Variants in SLC16A6 observed in about 807,000 individuals in gnomAD.
SLC16A6 encodes the protein monocarboxylate transporter 7.
SLC16A6 carries 15 observed loss-of-function variants against 33.8 expected under a neutral mutation model. That is an observed-to-expected ratio of 0.44 (90% CI 0.30 to 0.68). The LOEUF (loss-of-function observed/expected upper bound fraction) is 0.68, where lower values mean the gene tolerates loss of function less well. SLC16A6 is among the 30% of genes least tolerant of loss of function. The pLI, the probability that SLC16A6 is intolerant of heterozygous loss-of-function variation, is 0.10. For synonymous variants in SLC16A6, 219 were observed against 248.4 expected (o/e 0.88, Z 1.11); for missense variants, 451 against 661.5 (o/e 0.68, Z 3.49).
In SLC16A6 at chr17:68,271,779, C is replaced by G; in HGVS notation, c.506-125G>C. 1 of 706,358 alleles carries G rather than the reference C, an allele frequency of 1.4e-6. No homozygotes were observed. The highest frequency in any genetic ancestry group is 2.4e-6 in the Non-Finnish European group (1 of 422,802). 43.8% of individuals were successfully genotyped at this position (706,358 alleles called of 1,614,324 possible). ...ATAAGTTCTGTGGAAATTTATTATACTCAGCAGTATGAATGTACTCAATCT... is the reference window on the plus strand; with the variant it reads ...ATAAGTTCTGTGGAAATTTATTATAGTCAGCAGTATGAATGTACTCAATCT... On this transcript the variant is annotated intron_variant, in intron 4 of 5. Transcript: ENST00000580666. This position sits in a 1 kb window ranked among gnomAD's most constrained non-coding sequence, Gnocchi z 5.3.
At chr17:68,289,201 G>A (rs1030842462) in intron 1 of SLC16A6, among the ~76,000 whole-genome samples, 15 of 152,104 alleles carry the variant, frequency 9.9e-5, no homozygotes, top group African/African-American at 3.6e-4. Context: ...TAAAAAATGA[G>A]GTGGGAGGAT....
chr17:68,282,264 A>C (rs1555753031), intron 1 of SLC16A6, among the ~76,000 whole-genome samples: 1 of 151,892 alleles, frequency 6.6e-6, no homozygotes. Context: ...AAAAAAACAA[A>C]CACCACACGT....
intron 1 of SLC16A6, among the ~76,000 whole-genome samples, chr17:68,283,687 T>C (rs2075770950): frequency 6.7e-6 from 1 of 149,252 alleles, no homozygotes; most frequent in Admixed American, 6.7e-5. Context: ...TCCCTGAAAG[T>C]ATAGTCTTGA....
chr17:68,270,167 A>G (rs1440787031), intron 5 of SLC16A6, among the ~76,000 whole-genome samples: 2 of 152,190 alleles, frequency 1.3e-5, no homozygotes, highest in African/African-American at 2.4e-5. Context: ...GACTTACAGA[A>G]GTCCATTAGT....
In SLC16A6 at chr17:68,272,619, G is replaced by A. The variant is rs559117735; in HGVS notation, c.505+20C>T. ...CGTCTCTCATCCACATTCATACTTA[G>A]GCTGTTGTAGTCCACCTACCTGGTG... On this transcript the variant is annotated intron_variant, in intron 4 of 5. Coordinates refer to ENST00000580666, the MANE Select transcript of SLC16A6 (RefSeq NM_004694.5). 4 of 1,612,256 alleles carry A rather than the reference G, an allele frequency of 2.5e-6. No individual in the cohort carries two copies. The African/African-American group carries it at 4.0e-5, about 16-fold the overall frequency.
At chr17:68,274,149 C>G in intron 2 of SLC16A6, 79 bp from the exon 3 acceptor site, 1 of 1,448,320 alleles carries the variant, frequency 6.9e-7, no homozygotes, top group Non-Finnish European at 9.5e-7. Flanking sequence ...TCCTCCACGT[C>G]TTGCACATGG....
chr17:68,283,378 A>G (rs1004543609), intron 1 of SLC16A6, among the ~76,000 whole-genome samples: 13 of 151,720 alleles, frequency 8.6e-5, no homozygotes, highest in South Asian at 8.3e-4. Context: ...AAAATTAGCC[A>G]GGCGTGGTGG....
intron 1 of SLC16A6, among the ~76,000 whole-genome samples, chr17:68,282,340 C>T (rs1374938390): frequency 4.0e-5 from 6 of 150,304 alleles, no homozygotes; most frequent in Non-Finnish European, 5.9e-5. Context: ...CATCACACAC[C>T]GGGGCCTGTC....
At chr17:68,270,806 G>A (rs375675889) in intron 5 of SLC16A6, 33 bp downstream of exon 5, 1 of 1,528,748 alleles carries the variant, frequency 6.5e-7, no homozygotes, top group African/African-American at 1.4e-5. Flanking sequence ...AGGGAAAGTA[G>A]ACAAGTGTTT....
intron 1 of SLC16A6, among the ~76,000 whole-genome samples, chr17:68,281,869 C>T (rs1461245432): frequency 6.6e-6 from 1 of 152,138 alleles, no homozygotes; most frequent in African/African-American, 2.4e-5. Flanking sequence ...CCTCAAAAAA[C>T]TACAAATATA....
At chr17:68,274,237 C>CA in intron 2 of SLC16A6, 167 bp from the exon 3 acceptor site, 1 of 607,924 alleles carries the variant, frequency 1.6e-6, no homozygotes, top group Non-Finnish European at 2.7e-6. Context: ...AGGTTGAGGA[C>CA]GGAGGATCGC....
intron 1 of SLC16A6, among the ~76,000 whole-genome samples, chr17:68,280,036 G>T (rs2075641915): frequency 1.3e-5 from 2 of 152,016 alleles, no homozygotes; most frequent in Admixed American, 1.3e-4. Flanking sequence ...ACAAAAATTA[G>T]CTGGGCATGG....
chr17:68,279,710 C>T (rs901474258), intron 1 of SLC16A6, among the ~76,000 whole-genome samples: 1 of 152,186 alleles, frequency 6.6e-6, no homozygotes, highest in Non-Finnish European at 1.5e-5. Flanking sequence ...ATTGGTTTAA[C>T]TTAAGTCTTC....
At chr17:68,288,244 C>T (rs772333976) in intron 1 of SLC16A6, among the ~76,000 whole-genome samples, 2 of 152,086 alleles carry the variant, frequency 1.3e-5, no homozygotes, top group Non-Finnish European at 2.9e-5. Context: ...TTGTGATCCG[C>T]CCGCCTCAGC....
intron 1 of SLC16A6, among the ~76,000 whole-genome samples, chr17:68,282,483 C>T (rs1194921651): frequency 6.6e-5 from 8 of 121,052 alleles, no homozygotes; most frequent in South Asian, 2.6e-4. Context: ...GCACATGTAC[C>T]CTAGAACTTA....
chr17:68,270,002 G>A (rs1555747959), intron 5 of SLC16A6, among the ~76,000 whole-genome samples: 1 of 152,038 alleles, frequency 6.6e-6, no homozygotes, highest in African/African-American at 2.4e-5. Flanking sequence ...CAGGGGGTAC[G>A]ATTTCTAATC....
intron 1 of SLC16A6, among the ~76,000 whole-genome samples, chr17:68,287,182 G>A (rs2075860632): frequency 6.6e-6 from 1 of 152,264 alleles, no homozygotes; most frequent in East Asian, 1.9e-4. Context: ...GTTTCACCAT[G>A]TTGGTCAGGC....
chr17:68,287,652 G>A (rs1369853720), intron 1 of SLC16A6, among the ~76,000 whole-genome samples: 1 of 152,058 alleles, frequency 6.6e-6, no homozygotes. Context: ...TCTCCATCAA[G>A]GAAAGATGAC....
At position 68,268,976 on chromosome 17, in the gene SLC16A6, T is replaced by C; in HGVS notation, c.*120A>G. 1 of 1,524,030 alleles carries C rather than the reference T, an allele frequency of 6.6e-7. No individual in the cohort carries two copies. The highest frequency in any genetic ancestry group is 1.3e-5 in the South Asian group (1 of 76,644). 94.4% of individuals were successfully genotyped at this position (1,524,030 alleles called of 1,614,324 possible). On this transcript the variant is annotated 3_prime_UTR_variant, in exon 6 of 6. Transcript: ENST00000580666. ...TAGTGCTCTTCACATACACATTCCCTTTAAAATGTAGTTTTGAAAGTGGAG... is the reference window on the plus strand; with the variant it reads ...TAGTGCTCTTCACATACACATTCCCCTTAAAATGTAGTTTTGAAAGTGGAG...
Sources: gnomAD v4.1 joint callset for allele counts (sites outside exome capture counted in the v4.1 genomes callset) on GRCh38, gnomAD v4.1.1 for gene constraint, Gnocchi (gnomAD v3.1) non-coding constraint, MANE v1.5 for transcripts, NCBI Gene and HGNC (gene_info 2026-07-23, HGNC 2026-07-21) for gene names.